DNAI4: variants seen among roughly 807,000 people sequenced by gnomAD.
DNAI4 encodes WD repeat domain 78.
DNAI4 carries 85 observed loss-of-function variants against 105.8 expected under a neutral mutation model. The ratio of observed to expected loss-of-function variants is 0.80; its 90% CI spans 0.67 to 0.96. The LOEUF is 0.96. Ranked by LOEUF, DNAI4 falls within the 40% of genes least tolerant of loss-of-function variation. The probability of loss-of-function intolerance (pLI) is 0.00; values close to 1 mark genes in which losing one functional copy is unlikely to be tolerated. For synonymous variants in DNAI4, 352 were observed against 331.5 expected (o/e 1.06, Z -0.67); for missense variants, 1,014 against 1,005.6 (o/e 1.01, Z -0.11).
At chr1:66,893,071 A>AAGAAAGAAAGAC (rs1553227641) in intron 3 of DNAI4, among the ~76,000 whole-genome samples, 158 bp downstream of exon 3, 1 of 122,378 alleles carries the variant, frequency 8.2e-6, no homozygotes, top group South Asian at 2.4e-4. Flanking sequence ...GAGAGAAAGA[A>AAGAAAGAAAGAC]AGAAAGAAAG....
chr1:66,845,187 T>G (rs1258216386), intron 8 of DNAI4, among the ~76,000 whole-genome samples: 1 of 39,270 alleles, frequency 2.5e-5, no homozygotes. Context: ...CGAAACTCCA[T>G]CTCAAAAAAA....
intron 1 of DNAI4, among the ~76,000 whole-genome samples, chr1:66,917,240 AT>A (rs1650134388): frequency 6.6e-6 from 1 of 152,242 alleles, no homozygotes; most frequent in African/African-American, 2.4e-5. Context: ...AGTGAACGTT[AT>A]CAGTAATTGT....
In DNAI4 at chr1:66,827,023, C is replaced by A. The variant is rs140592100; in HGVS notation, c.2136G>T (p.Trp712Cys). 182 of 1,613,942 alleles carry A rather than the reference C, an allele frequency of 1.1e-4. No individual in the cohort carries two copies. Among genetic ancestry groups the A allele is most frequent in the Non-Finnish European group, 1.4e-4 (169 of 1,179,976 alleles). Residue 712 changes from tryptophan to cysteine, a missense_variant, in exon 15 of 17, where the codon TGG becomes TGT. By Grantham distance (215) the Trp-to-Cys change is radical (BLOSUM62 -2). Transcript: ENST00000371026. The stretch of plus-strand genomic sequence containing the variant: ...AAAATACATCATGACAAAATGGATT[C>A]CATGTCACTTTATACACTGGACCCT... Reference protein sequence around the residue: ...GHKGPVYKVTWNPFCHDVFLS... With the variant: ...GHKGPVYKVTCNPFCHDVFLS...
rs555032799 is a variant in DNAI4, at chr1:66,863,552, G to A, written c.941-1250C>T. Among the ~76,000 whole-genome samples, 46 of 152,090 alleles carry A rather than the reference G, an allele frequency of 3.0e-4. 1 individual carries two copies. Among genetic ancestry groups the A allele is most frequent in the South Asian group, 2.1e-4 (1 of 4,818 alleles). On this transcript the variant is annotated intron_variant, in intron 6 of 16. Coordinates refer to ENST00000371026, the MANE Select transcript of DNAI4 (RefSeq NM_024763.5). ...CAGTTCACTGCAACCTATGTGTCCC[G>A]GGTTCAAGTGATTCTCCTGCCTCAG...
intron 1 of DNAI4, among the ~76,000 whole-genome samples, chr1:66,919,557 G>T (rs1650313210): frequency 6.6e-6 from 1 of 152,118 alleles, no homozygotes; most frequent in African/African-American, 2.4e-5. Context: ...TCCCATGGGG[G>T]GCCCCTACAC....
intron 4 of DNAI4, among the ~76,000 whole-genome samples, chr1:66,881,573 T>A (rs2147835): frequency 0.15 from 22,230 of 152,190 alleles, 1,853 homozygotes; most frequent in African/African-American, 0.23. Context: ...CCCATTTGGA[T>A]CAACTGTATT....
intron 4 of DNAI4, among the ~76,000 whole-genome samples, chr1:66,886,078 T>G (rs922050996): frequency 3.3e-5 from 5 of 152,228 alleles, no homozygotes; most frequent in African/African-American, 9.6e-5. Flanking sequence ...GAATTTTTTA[T>G]TGACCTTCAA....
intron 1 of DNAI4, among the ~76,000 whole-genome samples, chr1:66,906,754 G>T: frequency 6.6e-6 from 1 of 151,192 alleles, no homozygotes; most frequent in African/African-American, 2.4e-5. Context: ...CTATCTCTAA[G>T]GACTTAACCC....
At chr1:66,923,342 T>C (rs1650695703) in intron 1 of DNAI4, among the ~76,000 whole-genome samples, 1 of 152,220 alleles carries the variant, frequency 6.6e-6, no homozygotes, top group Non-Finnish European at 1.5e-5. Context: ...TACGTTTGTG[T>C]AAGTACACTA....
At chr1:66,893,063 G>GAGAAAGAAAGAA (rs768595484) in intron 3 of DNAI4, among the ~76,000 whole-genome samples, 166 bp downstream of exon 3, 7,042 of 89,298 alleles carry the variant, frequency 0.079, 495 homozygotes, top group Admixed American at 0.1. Context: ...AAGAGAGAGA[G>GAGAAAGAAAGAA]AGAAAGAAAG....
chr1:66,905,417 TGAAAA>T (rs749652727), intron 1 of DNAI4, 42 bp from the exon 2 acceptor site: 3 of 1,312,762 alleles, frequency 2.3e-6, no homozygotes, highest in Non-Finnish European at 3.0e-6. Flanking sequence ...GATTCAAGAT[TGAAAA>T]GAAAAATCAA....
intron 5 of DNAI4, among the ~76,000 whole-genome samples, chr1:66,872,205 TTTTA>T (rs965236078): frequency 3.1e-5 from 4 of 127,712 alleles, no homozygotes; most frequent in South Asian, 2.3e-4. Flanking sequence ...TTTCAGGTTA[TTTTA>T]TTTATTTATT....
chr1:66,833,829 C>T, intron 12 of DNAI4, 123 bp from the exon 13 acceptor site: 1 of 1,412,358 alleles, frequency 7.1e-7, no homozygotes, highest in South Asian at 1.4e-5. Flanking sequence ...TGTAATTAGG[C>T]TAAAATTAGC....
At chr1:66,884,678 T>C (rs1386783652) in intron 4 of DNAI4, among the ~76,000 whole-genome samples, 1 of 152,196 alleles carries the variant, frequency 6.6e-6, no homozygotes. Flanking sequence ...TGGCCCATGA[T>C]TTTTTCTTGT....
chr1:66,857,172 T>G (rs1646518981), intron 7 of DNAI4, among the ~76,000 whole-genome samples: 1 of 151,828 alleles, frequency 6.6e-6, no homozygotes, highest in Non-Finnish European at 1.5e-5. Context: ...CTAAGAGAAT[T>G]CATGTCCTTT....
In DNAI4 at chr1:66,848,808, A is replaced by G. The variant is rs186780074; in HGVS notation, c.1097-1130T>C. On this transcript the variant is annotated intron_variant, in intron 7 of 16. Transcript: ENST00000371026. ...CTCTCTTTAGCCAAATGACCAGGAAAAGCATAGCCTTGAAAGAAAGAAAGC... is the reference window on the plus strand; with the variant it reads ...CTCTCTTTAGCCAAATGACCAGGAAGAGCATAGCCTTGAAAGAAAGAAAGC... 5.3e-3 allele frequency among the ~76,000 whole-genome samples: 805 copies of G among 152,314 alleles called. 16 individuals carry two copies. In the South Asian group the frequency reaches 0.054, roughly 10 times the overall value.
chr1:66,839,763 C>T (rs971398184), intron 9 of DNAI4, among the ~76,000 whole-genome samples: 1 of 152,128 alleles, frequency 6.6e-6, no homozygotes, highest in African/African-American at 2.4e-5. Context: ...CTCAAGATGA[C>T]TTTTGTCAGT....
chr1:66,877,355 C>T (rs1377072048), intron 4 of DNAI4, among the ~76,000 whole-genome samples: 2 of 152,152 alleles, frequency 1.3e-5, no homozygotes, highest in East Asian at 1.9e-4. Context: ...TTTCTAAGCA[C>T]AAAACTCCTT....
intron 7 of DNAI4, among the ~76,000 whole-genome samples, chr1:66,853,272 T>C (rs895225358): frequency 2.0e-5 from 3 of 152,200 alleles, no homozygotes; most frequent in Admixed American, 6.5e-5. Flanking sequence ...GCATTACCCC[T>C]TGGGCTTTCC....
Sources: gnomAD v4.1 joint callset for allele counts (sites outside exome capture counted in the v4.1 genomes callset) on GRCh38, gnomAD v4.1.1 for gene constraint, MANE v1.5 for transcripts, NCBI Gene and HGNC (gene_info 2026-07-23, HGNC 2026-07-21) for gene names.